DISC1: variants seen among roughly 807,000 people sequenced by gnomAD.
The protein encoded by DISC1 is DISC1 scaffold protein.
A neutral mutation model predicts 84.5 loss-of-function variants in DISC1; 57 were observed. The ratio of observed to expected loss-of-function variants is 0.67; its 90% CI spans 0.55 to 0.84. DISC1 has a LOEUF of 0.84. Among genes scored for constraint, DISC1 ranks in the 40% least tolerant of loss-of-function variants. DISC1 has a pLI of 0.00. For synonymous variants in DISC1, 411 were observed against 415.2 expected, an observed-to-expected ratio of 0.99 and a Z score of 0.12; for missense variants, 1,000 against 1,057.8, an observed-to-expected ratio of 0.95 and a Z score of 0.76.
chr1:231,993,597 C>T (rs1161687176), intron 10 of DISC1, among the ~76,000 whole-genome samples: 3 of 152,140 alleles, frequency 2.0e-5, no homozygotes, highest in Non-Finnish European at 2.9e-5. Context: ...TCATTTGGTT[C>T]ACTCTCTTAA....
intron 3 of DISC1, among the ~76,000 whole-genome samples, chr1:231,708,592 A>T (rs2067394837): frequency 6.6e-6 from 1 of 152,170 alleles, no homozygotes; most frequent in Admixed American, 6.5e-5. Flanking sequence ...TCACGTGATT[A>T]CTGTGGGAAG....
At chr1:231,777,288 C>T (rs977939217) in intron 6 of DISC1, among the ~76,000 whole-genome samples, 1 of 152,110 alleles carries the variant, frequency 6.6e-6, no homozygotes, top group South Asian at 2.1e-4. Context: ...GTGGTATGAT[C>T]ATGGCTCATT....
chr1:231,969,900 TCATC>T (rs1284881323), intron 10 of DISC1, among the ~76,000 whole-genome samples: 2 of 152,182 alleles, frequency 1.3e-5, no homozygotes, highest in African/African-American at 4.8e-5. Context: ...GTTTCCAGCT[TCATC>T]CATGTGCCTA....
intron 2 of DISC1, among the ~76,000 whole-genome samples, chr1:231,695,581 GTGTT>G (rs2065560347): frequency 6.6e-6 from 1 of 151,686 alleles, no homozygotes; most frequent in South Asian, 2.1e-4. Context: ...GTGTGCATAT[GTGTT>G]TGTGTGTGTA....
intron 9 of DISC1, among the ~76,000 whole-genome samples, chr1:231,856,044 G>A (rs890080597): frequency 3.9e-5 from 6 of 152,198 alleles, no homozygotes; most frequent in African/African-American, 1.2e-4. Context: ...TGCATATGCC[G>A]AAGGCTTCAG....
chr1:231,754,805 C>T (rs2074959390), intron 4 of DISC1, among the ~76,000 whole-genome samples: 1 of 152,138 alleles, frequency 6.6e-6, no homozygotes, highest in Non-Finnish European at 1.5e-5. Context: ...CCTAATAAGG[C>T]CCCCAGAAAA....
At chr1:231,811,047 C>T (rs549205523) in intron 8 of DISC1, among the ~76,000 whole-genome samples, 43 of 152,142 alleles carry the variant, frequency 2.8e-4, no homozygotes, top group Non-Finnish European at 5.7e-4. Context: ...CACCAGGCAC[C>T]ACATTTTCTC....
chr1:231,801,542 G>A (rs199721794), intron 8 of DISC1, among the ~76,000 whole-genome samples: 2 of 152,140 alleles, frequency 1.3e-5, no homozygotes, highest in Non-Finnish European at 2.9e-5. Context: ...AATTGGTGAG[G>A]CCTGATCTGC....
At chr1:231,782,605 A>C (rs1056550959) in intron 6 of DISC1, among the ~76,000 whole-genome samples, 2 of 152,206 alleles carry the variant, frequency 1.3e-5, no homozygotes, top group African/African-American at 4.8e-5. Flanking sequence ...TTAGAAATTT[A>C]GGAGAAGCAA....
At chr1:232,005,859 A>G (rs1667354727) in intron 10 of DISC1, among the ~76,000 whole-genome samples, 1 of 152,210 alleles carries the variant, frequency 6.6e-6, no homozygotes, top group Non-Finnish European at 1.5e-5. Flanking sequence ...AATGGAAGAT[A>G]GGTCTGTAGA....
At chr1:231,780,236 A>AT (rs199551080) in intron 6 of DISC1, among the ~76,000 whole-genome samples, 20,668 of 121,006 alleles carry the variant, frequency 0.17, 1,997 homozygotes, top group Non-Finnish European at 0.24. Context: ...TTAAAGTATA[A>AT]TAAAAAAAAA....
In DISC1 at chr1:231,958,811, T is replaced by C; in HGVS notation, c.1982-17T>C. 2 of 1,612,016 alleles carry C rather than the reference T, an allele frequency of 1.2e-6. No individual in the cohort carries two copies. The highest frequency in any genetic ancestry group is 1.7e-6 in the Non-Finnish European group (2 of 1,178,948). On this transcript the variant is annotated splice_polypyrimidine_tract_variant and intron_variant, in intron 9 of 12. Transcript: ENST00000439617. ...ACTGCAGTTGCATTAACTTTGGATT[T>C]CCTTTTTTTCCCCCAGAAACAAGTG...
intron 10 of DISC1, among the ~76,000 whole-genome samples, chr1:231,988,245 A>G (rs1174311523): frequency 6.6e-6 from 1 of 152,208 alleles, no homozygotes; most frequent in Non-Finnish European, 1.5e-5. Flanking sequence ...CAGACCGACA[A>G]CATTGACATC....
intron 9 of DISC1, among the ~76,000 whole-genome samples, chr1:231,865,881 T>C (rs1210038319): frequency 6.6e-6 from 1 of 152,182 alleles, no homozygotes; most frequent in Admixed American, 6.5e-5. Flanking sequence ...AGGAATCTGG[T>C]ACTCTAAAAA....
At chr1:232,004,792 A>C (rs1667130047) in intron 10 of DISC1, among the ~76,000 whole-genome samples, 1 of 151,512 alleles carries the variant, frequency 6.6e-6, no homozygotes, top group African/African-American at 2.4e-5. Context: ...CCATTCCTGC[A>C]CTCCTGCTCC....
At chr1:231,889,777 C>T (rs182373672) in intron 9 of DISC1, among the ~76,000 whole-genome samples, 86 of 148,614 alleles carry the variant, frequency 5.8e-4, no homozygotes, top group Non-Finnish European at 1.0e-3. Flanking sequence ...TGCCCTTATT[C>T]TCTCTCTCTC....
At chr1:231,866,450 A>T (rs1310686709) in intron 9 of DISC1, 1 of 760,466 alleles carries the variant, frequency 1.3e-6, no homozygotes, top group Non-Finnish European at 2.4e-6. Flanking sequence ...GATAATGACC[A>T]ACAGCTAACA....
chr1:231,940,212 G>C (rs2091238257), intron 9 of DISC1, among the ~76,000 whole-genome samples: 1 of 152,096 alleles, frequency 6.6e-6, no homozygotes. Context: ...TGCTTTCCCT[G>C]TGCAATTCTC....
At chr1:232,022,310 TC>T (rs746896642) in intron 11 of DISC1, among the ~76,000 whole-genome samples, 5 of 148,698 alleles carry the variant, frequency 3.4e-5, no homozygotes, top group Non-Finnish European at 7.4e-5. Flanking sequence ...TACCCATGGT[TC>T]TTTTTTTTTT....
Sources: allele counts gnomAD v4.1 joint callset (sites outside exome capture counted in the v4.1 genomes callset), GRCh38; gene constraint gnomAD v4.1.1; transcripts MANE v1.5; gene names NCBI Gene and HGNC (gene_info 2026-07-23, HGNC 2026-07-21).